Variants in CNTN5 observed in about 807,000 individuals in gnomAD.
The protein encoded by CNTN5 is contactin 5, also known as contactin-5.
In CNTN5, 77 loss-of-function variants were observed where a neutral mutation model predicts 129.1. That is an observed-to-expected ratio of 0.60 (90% CI 0.50 to 0.72). The LOEUF is 0.72. Among genes scored for constraint, CNTN5 ranks in the 30% least tolerant of loss-of-function variants. The pLI is 0.00. For synonymous variants in CNTN5, 509 were observed against 465.6 expected, an observed-to-expected ratio of 1.09 and a Z score of -1.20; for missense variants, 1,478 against 1,328.8, an observed-to-expected ratio of 1.11 and a Z score of -1.75.
chr11:99,627,231 C>T (rs962322122), intron 3 of CNTN5, among the ~76,000 whole-genome samples: 5 of 152,096 alleles, frequency 3.3e-5, no homozygotes, highest in African/African-American at 1.2e-4. Context: ...ATATCCCTCG[C>T]CTTACTTTCT....
chr11:99,306,551 G>C (rs1405524092), intron 1 of CNTN5, among the ~76,000 whole-genome samples: 1 of 151,858 alleles, frequency 6.6e-6, no homozygotes, highest in Non-Finnish European at 1.5e-5. Flanking sequence ...AGTTTGAATT[G>C]TTAATATGAA....
chr11:99,393,116 A>T (rs72987813), intron 2 of CNTN5, among the ~76,000 whole-genome samples: 13 of 152,004 alleles, frequency 8.6e-5, no homozygotes, highest in Non-Finnish European at 1.6e-4. Flanking sequence ...ACTAATAAGT[A>T]ACATGAGGCT....
intron 3 of CNTN5, among the ~76,000 whole-genome samples, chr11:99,774,631 T>A (rs1218587196): frequency 6.6e-6 from 1 of 152,036 alleles, no homozygotes; most frequent in Non-Finnish European, 1.5e-5. Context: ...GTCTACAGAC[T>A]TGAAGGCAGT....
At chr11:100,074,457 A>C (rs1944048113) in intron 13 of CNTN5, 163 bp downstream of exon 13, 1 of 584,928 alleles carries the variant, frequency 1.7e-6, no homozygotes, top group Admixed American at 3.8e-5. Flanking sequence ...AAGAACCCAA[A>C]GTTTGACTTC....
intron 1 of CNTN5, among the ~76,000 whole-genome samples, chr11:99,057,466 T>C (rs1407488451): frequency 6.6e-6 from 1 of 151,794 alleles, no homozygotes; most frequent in African/African-American, 2.4e-5. Flanking sequence ...TGTTGCCAGA[T>C]GGAAAAGAAA....
chr11:99,845,122 G>C lies in CNTN5; in HGVS notation c.437G>C (p.Ser146Thr). 1 of 1,613,698 alleles carries C rather than the reference G, an allele frequency of 6.2e-7. No homozygotes were observed. Among genetic ancestry groups the C allele is most frequent in the Non-Finnish European group, 8.5e-7 (1 of 1,179,802 alleles). The change falls in exon 6 of 25, where the codon AGT becomes ACT. Residue 146 changes from serine (S) to threonine (T), a missense_variant. Coordinates refer to ENST00000524871, the MANE Select transcript of CNTN5 (RefSeq NM_014361.4). ...LRNGTEIDLE[S>T]DYRYSLIDGT... is the part of the protein sequence containing the mutation. ...AATGGAACAGAAATAGATCTGGAAA[G>C]TGATTATCGCTACAGTTTGATAGAT...
chr11:99,354,211 C>T (rs552094317), intron 2 of CNTN5, among the ~76,000 whole-genome samples: 14 of 152,130 alleles, frequency 9.2e-5, no homozygotes, highest in Non-Finnish European at 1.8e-4. Context: ...ATGAATGCTA[C>T]ATTATGCTAC....
chr11:100,337,165 C>G (rs1952054586), intron 21 of CNTN5: 1 of 1,456,544 alleles, frequency 6.9e-7, no homozygotes. Context: ...CATGAATGTT[C>G]ACCAGTGGGT....
intron 2 of CNTN5, among the ~76,000 whole-genome samples, chr11:99,487,234 A>G (rs961645212): frequency 5.9e-5 from 9 of 152,242 alleles, no homozygotes; most frequent in African/African-American, 1.9e-4. Context: ...AGCAAGGCTG[A>G]CACATTAATT....
rs1943814089 is a variant in CNTN5 at position 100,069,325 on chromosome 11, T to A, written c.1163-1099T>A. ...GTGCCACCACACCTGAATAATTTTT[T>A]TTTTTTTATTTTTAGTAGAGACAAG... On this transcript the variant is annotated intron_variant, in intron 10 of 24. Coordinates refer to ENST00000524871, the MANE Select transcript of CNTN5 (RefSeq NM_014361.4). 3.3e-5 allele frequency among the ~76,000 whole-genome samples: 5 copies of A among 152,056 alleles called. No individual in the cohort carries two copies. In the South Asian group the frequency reaches 1.0e-3, roughly 32 times the overall value.
rs1017384701 is a variant in CNTN5, at chr11:99,214,918, A to C, written c.-209-110428A>C. On this transcript the variant is annotated intron_variant, in intron 1 of 24. Coordinates refer to ENST00000524871, the MANE Select transcript of CNTN5 (RefSeq NM_014361.4). ...TGCTTGAGTATTTCAAGTGATACTC[A>C]AGTAGTTATTCTCAAGTAAGTCTAT... Among the ~76,000 whole-genome samples, 4 of 152,084 alleles carry C rather than the reference A, an allele frequency of 2.6e-5. No individual in the cohort carries two copies. In the South Asian group the frequency reaches 6.2e-4, roughly 24 times the overall value.
chr11:99,138,024 C>A (rs546327683), intron 1 of CNTN5, among the ~76,000 whole-genome samples: 28 of 152,262 alleles, frequency 1.8e-4, no homozygotes, highest in African/African-American at 6.7e-4. Context: ...TTAGAGTTAA[C>A]AATTTTTCAC....
intron 13 of CNTN5, among the ~76,000 whole-genome samples, chr11:100,172,684 T>C (rs1947858963): frequency 6.6e-6 from 1 of 151,950 alleles, no homozygotes; most frequent in South Asian, 2.1e-4. Context: ...CTCAAGATCA[T>C]GACAAAACAG....
At chr11:99,504,100 A>G (rs750315544) in intron 2 of CNTN5, among the ~76,000 whole-genome samples, 2 of 152,230 alleles carry the variant, frequency 1.3e-5, no homozygotes, top group Non-Finnish European at 2.9e-5. Context: ...TGTGGTGAAC[A>G]GGGGCTGCAC....
intron 2 of CNTN5, among the ~76,000 whole-genome samples, chr11:99,431,251 T>G (rs559964721): frequency 6.6e-6 from 1 of 152,132 alleles, no homozygotes; most frequent in Admixed American, 6.6e-5. Flanking sequence ...TAAGGAAAAC[T>G]TTCCAAGACA....
chr11:99,967,981 A>T (rs574765528), intron 8 of CNTN5, among the ~76,000 whole-genome samples: 1 of 152,208 alleles, frequency 6.6e-6, no homozygotes, highest in Non-Finnish European at 1.5e-5. Flanking sequence ...ATAAATGCCA[A>T]CAAATATTAA....
chr11:99,872,373 C>T (rs1464084281), intron 6 of CNTN5, among the ~76,000 whole-genome samples: 2 of 151,880 alleles, frequency 1.3e-5, no homozygotes, highest in African/African-American at 2.4e-5. Flanking sequence ...GGTTCTGATT[C>T]CAAAAACACA....
intron 2 of CNTN5, among the ~76,000 whole-genome samples, chr11:99,438,318 A>T (rs1392732917): frequency 6.6e-6 from 1 of 152,142 alleles, no homozygotes; most frequent in Non-Finnish European, 1.5e-5. Flanking sequence ...ACTATAAGGA[A>T]CTATTCGTCT....
intron 3 of CNTN5, among the ~76,000 whole-genome samples, chr11:99,777,571 A>C (rs1047427403): frequency 1.9e-4 from 29 of 151,852 alleles, no homozygotes; most frequent in Non-Finnish European, 4.4e-5. Flanking sequence ...TATAAGGTCA[A>C]TCAAAAAGTG....
Sources: gnomAD v4.1 joint callset for allele counts (sites outside exome capture counted in the v4.1 genomes callset) on GRCh38, gnomAD v4.1.1 for gene constraint, MANE v1.5 for transcripts, NCBI Gene and HGNC (gene_info 2026-07-23, HGNC 2026-07-21) for gene names.